CNTN3: variants seen among roughly 807,000 people sequenced by gnomAD.
CNTN3 encodes contactin 3.
CNTN3 carries 60 observed loss-of-function variants against 119.1 expected under a neutral mutation model. The observed-to-expected ratio is 0.50, with a 90% confidence interval of 0.41 to 0.62. The LOEUF is 0.62. Ranked by LOEUF, CNTN3 falls within the 20% of genes least tolerant of loss-of-function variation. The pLI is 0.00. For missense variants in CNTN3, 1,101 were observed against 1,242.4 expected (o/e 0.89, Z 1.71); for synonymous variants, 450 against 438.7 (o/e 1.03, Z -0.32).
chr3:74,534,347 C>T (rs1014372339), intron 1 of CNTN3, among the ~76,000 whole-genome samples: 2 of 151,992 alleles, frequency 1.3e-5, no homozygotes, highest in African/African-American at 2.4e-5. Flanking sequence ...CATATCCCCA[C>T]TTTATTATTT....
At chr3:74,397,701 G>T (rs1705091355) in intron 5 of CNTN3, among the ~76,000 whole-genome samples, 1 of 152,280 alleles carries the variant, frequency 6.6e-6, no homozygotes, top group South Asian at 2.1e-4. Flanking sequence ...GCCGTAGATG[G>T]TGATTCCTCT....
At chr3:74,274,411 G>A (rs951076733) in intron 20 of CNTN3, among the ~76,000 whole-genome samples, 4 of 151,978 alleles carry the variant, frequency 2.6e-5, no homozygotes, top group South Asian at 4.1e-4. Context: ...TCACAGCCCC[G>A]CCACCTCCAC....
At chr3:74,528,181 C>T (rs999623908) in intron 1 of CNTN3, among the ~76,000 whole-genome samples, 2 of 151,782 alleles carry the variant, frequency 1.3e-5, no homozygotes, top group Non-Finnish European at 2.9e-5. Flanking sequence ...TGTAGATTTT[C>T]CTTCCCTTTG....
chr3:74,482,400 T>A (rs1702778288), intron 4 of CNTN3, among the ~76,000 whole-genome samples: 1 of 151,888 alleles, frequency 6.6e-6, no homozygotes, highest in South Asian at 2.1e-4. Context: ...AAATAATAAA[T>A]CATTCATTAT....
intron 20 of CNTN3, among the ~76,000 whole-genome samples, chr3:74,269,566 A>C (rs1701728737): frequency 6.6e-6 from 1 of 152,132 alleles, no homozygotes; most frequent in African/African-American, 2.4e-5. Flanking sequence ...CATAATCTGG[A>C]CCCAGAGAGT....
At chr3:74,390,457 T>G (rs1704870701) in intron 5 of CNTN3, among the ~76,000 whole-genome samples, 2 of 151,308 alleles carry the variant, frequency 1.3e-5, no homozygotes, top group Non-Finnish European at 2.9e-5. Context: ...TGTTCTTCCT[T>G]CCATCAGGCC....
chr3:74,355,543 C>T (rs978616561), intron 11 of CNTN3, among the ~76,000 whole-genome samples: 3 of 152,030 alleles, frequency 2.0e-5, no homozygotes, highest in African/African-American at 7.3e-5. Context: ...CAACCTCCAA[C>T]TCCTGGGTTC....
rs192173940 is a variant in CNTN3, at chr3:74,484,312, G to C, written c.358+2144C>G. Among the ~76,000 whole-genome samples the C allele has an allele frequency of 3.5e-4, 53 of 152,138 alleles. 1 individual carries two copies. The East Asian group carries it at 9.3e-3, about 27-fold the overall frequency. ...GCGGTGGAGGAAACCCTGCCTCTAAGATCATAAATAGCATTTCAGAAAACT... is the reference window on the plus strand; with the variant it reads ...GCGGTGGAGGAAACCCTGCCTCTAACATCATAAATAGCATTTCAGAAAACT... On this transcript the variant is annotated intron_variant, in intron 4 of 22. Transcript: ENST00000263665.
At chr3:74,423,253 G>C (rs1375478890) in intron 5 of CNTN3, among the ~76,000 whole-genome samples, 1 of 152,228 alleles carries the variant, frequency 6.6e-6, no homozygotes, top group Non-Finnish European at 1.5e-5. Flanking sequence ...AAAAAACTAG[G>C]ATTCAACTGG....
chr3:74,515,595 TAC>T (rs1703437125), intron 2 of CNTN3, among the ~76,000 whole-genome samples: 1 of 152,032 alleles, frequency 6.6e-6, no homozygotes, highest in Admixed American at 6.6e-5. Context: ...AAGAGCAGTG[TAC>T]AGTCTTCAAG....
At chr3:74,549,895 C>A (rs1379100698) in intron 1 of CNTN3, among the ~76,000 whole-genome samples, 2 of 152,228 alleles carry the variant, frequency 1.3e-5, no homozygotes, top group African/African-American at 4.8e-5. Context: ...GGTCCTGGAA[C>A]AGGCACATGC....
chr3:74,269,496 T>C (rs545855681), intron 20 of CNTN3, among the ~76,000 whole-genome samples: 2 of 152,256 alleles, frequency 1.3e-5, no homozygotes, highest in South Asian at 2.1e-4. Flanking sequence ...GAATGTGCTT[T>C]AATATAATTT....
chr3:74,337,296 C>T (rs1384090873), intron 11 of CNTN3, among the ~76,000 whole-genome samples: 1 of 152,046 alleles, frequency 6.6e-6, no homozygotes, highest in African/African-American at 2.4e-5. Context: ...GGAAATATAA[C>T]TGAGTGCTTT....
chr3:74,298,376 A>T (rs1702384365), intron 17 of CNTN3, among the ~76,000 whole-genome samples, 185 bp from the exon 18 acceptor site: 1 of 152,202 alleles, frequency 6.6e-6, no homozygotes, highest in Non-Finnish European at 1.5e-5. Flanking sequence ...TTTTAAACAG[A>T]CATATGTCAC....
intron 1 of CNTN3, among the ~76,000 whole-genome samples, chr3:74,586,694 G>A (rs1318104799): frequency 6.6e-6 from 1 of 151,862 alleles, no homozygotes; most frequent in East Asian, 1.9e-4. Flanking sequence ...ATATTCATAA[G>A]GCACTTAGAA....
intron 1 of CNTN3, among the ~76,000 whole-genome samples, chr3:74,600,033 A>G (rs1704882619): frequency 6.6e-6 from 1 of 151,754 alleles, no homozygotes; most frequent in Admixed American, 6.6e-5. Flanking sequence ...CAGTTGGTTG[A>G]TGACAGTTTT....
intron 5 of CNTN3, among the ~76,000 whole-genome samples, chr3:74,413,143 TCAGA>T (rs759321416): frequency 1.3e-4 from 20 of 152,290 alleles, no homozygotes; most frequent in Non-Finnish European, 2.1e-4. Flanking sequence ...CTTGCATAGT[TCAGA>T]CAGTTTTATT....
intron 19 of CNTN3, among the ~76,000 whole-genome samples, chr3:74,285,790 GAT>G (rs71129738): frequency 0.049 from 2,756 of 55,970 alleles, 31 homozygotes; most frequent in Non-Finnish European, 0.071. Flanking sequence ...ATGAAGGGGA[GAT>G]ATATATATAT....
At chr3:74,281,112 A>G (rs1701998720) in intron 20 of CNTN3, among the ~76,000 whole-genome samples, 1 of 152,150 alleles carries the variant, frequency 6.6e-6, no homozygotes, top group East Asian at 1.9e-4. Flanking sequence ...GGATTGTATA[A>G]GGCCTCATTG....
Sources: gnomAD v4.1 joint callset for allele counts (sites outside exome capture counted in the v4.1 genomes callset) on GRCh38, gnomAD v4.1.1 for gene constraint, MANE v1.5 for transcripts, NCBI Gene and HGNC (gene_info 2026-07-23, HGNC 2026-07-21) for gene names.